The following KCNQ1 variants were observed in gnomAD, a reference collection of about 807,000 sequenced individuals.
KCNQ1 encodes potassium voltage-gated channel subfamily KQT member 1.
A neutral mutation model predicts 72.4 loss-of-function variants in KCNQ1; 49 were observed. The ratio of observed to expected loss-of-function variants is 0.68; its 90% CI spans 0.54 to 0.86. The LOEUF (loss-of-function observed/expected upper bound fraction) is 0.86. Among genes scored for constraint, KCNQ1 ranks in the 40% least tolerant of loss-of-function variants. The probability of loss-of-function intolerance (pLI) is 0.00; values close to 1 mark genes in which losing one functional copy is unlikely to be tolerated. For missense variants in KCNQ1, 790 were observed against 945.1 expected (o/e 0.84, Z 2.15); for synonymous variants, 450 against 412.6 (o/e 1.09, Z -1.10).
At chr11:2,448,375 C>T (rs1350332155) in intron 1 of KCNQ1, among the ~76,000 whole-genome samples, 2 of 152,246 alleles carry the variant, frequency 1.3e-5, no homozygotes, top group Non-Finnish European at 2.9e-5. Context: ...GTTGGCAGAA[C>T]CCTCGCGGGT....
Position 2,588,838 on chromosome 11 carries a change from C to T in KCNQ1, c.1377C>T (p.Asp459=), listed in dbSNP as rs200418488. ...GGCGGCTGGACCACTTCTCTGTCGACGGCTATGACAGTTCTGGTGAGAACC... is the reference window on the plus strand; with the variant it reads ...GGCGGCTGGACCACTTCTCTGTCGATGGCTATGACAGTTCTGGTGAGAACC... ...EERRLDHFSV[D]GYDSSVRKSP... The change falls in exon 10 of 16, where the codon GAC becomes GAT. Residue 459 remains aspartate (D), a synonymous_variant. Transcript: ENST00000155840. This position sits in a 1 kb window ranked among gnomAD's most constrained non-coding sequence, Gnocchi z 5.6. 15 of 1,612,192 alleles carry T rather than the reference C, an allele frequency of 9.3e-6. No homozygotes were observed. Among genetic ancestry groups the T allele is most frequent in the Middle Eastern group, 1.9e-4 (1 of 5,354 alleles).
rs1846173080 is a variant in KCNQ1, at chr11:2,748,488, C to T, written c.1515-20356C>T. The stretch of plus-strand genomic sequence containing the variant: ...GCACCTGATGCCAAACCAGGCTCCA[C>T]TCTTCCTCCAGGTGAGCCCGAGGGC... On this transcript the variant is annotated intron_variant, in intron 11 of 15. Coordinates refer to ENST00000155840, the MANE Select transcript of KCNQ1 (RefSeq NM_000218.3). The surrounding 1 kb of genome is among the most constrained non-coding windows in gnomAD (Gnocchi z 6.2). 6.6e-6 allele frequency among the ~76,000 whole-genome samples: 1 copy of T among 152,228 alleles called. No homozygotes were observed. The highest frequency in any genetic ancestry group is 2.1e-4 in the South Asian group (1 of 4,832).
rs1849657983 is a variant in KCNQ1, at chr11:2,645,872, G to A, written c.1394-16089G>A. ...GATGTGTGAATTGCCTGAGGATTCA[G>A]GGTGATCTCCCTCTCTGGGAGCTGT... On this transcript the variant is annotated intron_variant, in intron 10 of 15. Coordinates refer to ENST00000155840, the MANE Select transcript of KCNQ1 (RefSeq NM_000218.3). This position sits in a 1 kb window ranked among gnomAD's most constrained non-coding sequence, Gnocchi z 5.8. 1.0e-5 allele frequency: 4 copies of A among 398,522 alleles called. No individual in the cohort carries two copies. Among genetic ancestry groups the A allele is most frequent in the Non-Finnish European group, 1.3e-5 (3 of 226,108 alleles). The allele number at this position is 398,522 out of a possible 1,614,324, so 24.7% of individuals were successfully genotyped here.
At chr11:2,701,997 C>T (rs1219575682) in intron 11 of KCNQ1, among the ~76,000 whole-genome samples, 1 of 152,242 alleles carries the variant, frequency 6.6e-6, no homozygotes, top group East Asian at 1.9e-4. Context: ...CCTCAGGCCC[C>T]TGTCCTGCTC....
rs1848182217 is a variant in KCNQ1 at position 2,562,295 on chromosome 11, A to G, written c.478-8333A>G. On this transcript the variant is annotated intron_variant, in intron 2 of 15. Coordinates refer to ENST00000155840, the MANE Select transcript of KCNQ1 (RefSeq NM_000218.3). The surrounding 1 kb of genome is among the most constrained non-coding windows in gnomAD (Gnocchi z 7.5). ...CACTGGGGGCCCACAAGCTCTCAGCACAGGCTGGCGGCTGGGAGCAGCTGG... is the reference window on the plus strand; with the variant it reads ...CACTGGGGGCCCACAAGCTCTCAGCGCAGGCTGGCGGCTGGGAGCAGCTGG... Among the ~76,000 whole-genome samples, 2 of 152,166 alleles carry G rather than the reference A, an allele frequency of 1.3e-5. No individual in the cohort carries two copies. The highest frequency in any genetic ancestry group is 2.4e-5 in the African/African-American group (1 of 41,440).
chr11:2,788,233 C>T (rs1002663438), intron 15 of KCNQ1, among the ~76,000 whole-genome samples: 24 of 152,150 alleles, frequency 1.6e-4, no homozygotes, highest in African/African-American at 5.8e-4. Flanking sequence ...CCAAGTTCCC[C>T]TGCCTCGAGT....
intron 11 of KCNQ1, among the ~76,000 whole-genome samples, chr11:2,718,939 C>T (rs1851151217): frequency 6.6e-6 from 1 of 152,234 alleles, no homozygotes; most frequent in Non-Finnish European, 1.5e-5. Flanking sequence ...AATGCAGATT[C>T]CTGGGCTATT....
chr11:2,451,680 T>C lies in KCNQ1; in HGVS notation c.386+6196T>C, dbSNP rs1354083755. 6.6e-6 allele frequency among the ~76,000 whole-genome samples: 1 copy of C among 152,158 alleles called. No homozygotes were observed. Among genetic ancestry groups the C allele is most frequent in the Non-Finnish European group, 1.5e-5 (1 of 67,994 alleles). ...CGCCTCTGGCAGGAACTTCTCCTGATGGAAGAGCCGGGCTGGGGAGCTGAC... is the reference window on the plus strand; with the variant it reads ...CGCCTCTGGCAGGAACTTCTCCTGACGGAAGAGCCGGGCTGGGGAGCTGAC... On this transcript the variant is annotated intron_variant, in intron 1 of 15. Transcript: ENST00000155840. The surrounding 1 kb of genome is among the most constrained non-coding windows in gnomAD (Gnocchi z 6.4).
At chr11:2,778,059 C>A (rs762635241) in intron 15 of KCNQ1, 22 bp downstream of exon 15, 1 of 1,612,146 alleles carries the variant, frequency 6.2e-7, no homozygotes, top group Admixed American at 1.7e-5. Flanking sequence ...CGCCGGCCTG[C>A]GGTGGTTCTG....
rs767111975 is a variant in KCNQ1, at chr11:2,724,722, C to T, written c.1515-44122C>T. ...ACAGAGGAGGACGTGGGGACCTGCC[C>T]AAGGAGACACAGGCAACAGAACCAG... On this transcript the variant is annotated intron_variant, in intron 11 of 15. Coordinates refer to ENST00000155840, the MANE Select transcript of KCNQ1 (RefSeq NM_000218.3). This position sits in a 1 kb window ranked among gnomAD's most constrained non-coding sequence, Gnocchi z 6.8. Among the ~76,000 whole-genome samples the T allele has an allele frequency of 3.3e-5, 5 of 152,168 alleles. No individual in the cohort carries two copies. Among genetic ancestry groups the T allele is most frequent in the Non-Finnish European group, 4.4e-5 (3 of 68,020 alleles).
intron 1 of KCNQ1, among the ~76,000 whole-genome samples, chr11:2,525,818 G>C (rs1421644642): frequency 6.6e-6 from 1 of 152,196 alleles, no homozygotes; most frequent in African/African-American, 2.4e-5. Flanking sequence ...GGGGCTTAGA[G>C]ATTAAATGAA....
chr11:2,770,426 CCCAAGAGCAGCCCTCGGCCAGGCCCTTG>C (rs1266192094), intron 12 of KCNQ1, among the ~76,000 whole-genome samples: 1 of 152,264 alleles, frequency 6.6e-6, no homozygotes, highest in Non-Finnish European at 1.5e-5. Flanking sequence ...CACTCTGAGC[CCCAAGAGCAGCCCTCGGCCAGGCCCTTG>C]CCAAGAGCAG....
chr11:2,645,456 A>C lies in KCNQ1; in HGVS notation c.1394-16505A>C. On this transcript the variant is annotated intron_variant, in intron 10 of 15. Coordinates refer to ENST00000155840, the MANE Select transcript of KCNQ1 (RefSeq NM_000218.3). This position sits in a 1 kb window ranked among gnomAD's most constrained non-coding sequence, Gnocchi z 5.8. The stretch of plus-strand genomic sequence containing the variant: ...TGTACTGACTGTGGTAGGCAGGCAC[A>C]GGAAGATCCCTGTATACCCTGCTGA... 1 of 398,724 alleles carries C rather than the reference A, an allele frequency of 2.5e-6. No homozygotes were observed. The highest frequency in any genetic ancestry group is 4.4e-6 in the Non-Finnish European group (1 of 226,124). 24.7% of individuals were successfully genotyped at this position (398,724 alleles called of 1,614,324 possible).
Position 2,574,165 on chromosome 11 carries a change from C to A in KCNQ1, c.921+1179C>A, listed in dbSNP as rs116896598. The stretch of plus-strand genomic sequence containing the variant: ...AATGACTCCATCCCATCTCCCCCCA[C>A]AGCTGCAGGGCCAGGTGGGCCGTCC... On this transcript the variant is annotated intron_variant, in intron 6 of 15. Transcript: ENST00000155840. Among the ~76,000 whole-genome samples, 108 of 152,332 alleles carry A rather than the reference C, an allele frequency of 7.1e-4. 1 individual carries two copies. The East Asian group carries it at 0.018, about 26-fold the overall frequency.
At position 2,695,795 on chromosome 11, in the gene KCNQ1, G is replaced by A. The variant is rs766755851; in HGVS notation, c.1514+33714G>A. On this transcript the variant is annotated intron_variant, in intron 11 of 15. Coordinates refer to ENST00000155840, the MANE Select transcript of KCNQ1 (RefSeq NM_000218.3). The surrounding 1 kb of genome is among the most constrained non-coding windows in gnomAD (Gnocchi z 5.2). ...TCCTACTTTCTAATGCTTCTCCTAT[G>A]AAGAATAGCTGTTGCTTTCATTTAC... 2.5e-6 allele frequency: 1 copy of A among 398,630 alleles called. No homozygotes were observed. The highest frequency in any genetic ancestry group is 4.4e-6 in the Non-Finnish European group (1 of 226,074). The allele number at this position is 398,630 out of a possible 1,614,324, so 24.7% of individuals were successfully genotyped here.
rs1225097070 is a variant in KCNQ1, at chr11:2,679,559, T to G, written c.1514+17478T>G. 2.5e-6 allele frequency: 1 copy of G among 398,528 alleles called. No homozygotes were observed. Among genetic ancestry groups the G allele is most frequent in the Non-Finnish European group, 4.4e-6 (1 of 226,074 alleles). The allele number at this position is 398,528 out of a possible 1,614,324, so 24.7% of individuals were successfully genotyped here. A position where few individuals can be genotyped will look rare whatever the true frequency, so the allele number is the denominator to read the frequency against. ...GGCCATTCCATCCATTGTAATCATG[T>G]GTACCATGCAATTCACAGTGCCTGA... On this transcript the variant is annotated intron_variant, in intron 11 of 15. Coordinates refer to ENST00000155840, the MANE Select transcript of KCNQ1 (RefSeq NM_000218.3). This position sits in a 1 kb window ranked among gnomAD's most constrained non-coding sequence, Gnocchi z 4.8.
At position 2,538,560 on chromosome 11, in the gene KCNQ1, C is replaced by G. The variant is rs1439983858; in HGVS notation, c.477+10542C>G. 1.3e-5 allele frequency among the ~76,000 whole-genome samples: 2 copies of G among 152,104 alleles called. No individual in the cohort carries two copies. The highest frequency in any genetic ancestry group is 2.9e-5 in the Non-Finnish European group (2 of 68,024). ...GGAGGACAGCTGACATTCTTTCATG[C>G]GAAATCTGCTTGCGGGAGAGTCGTG... On this transcript the variant is annotated intron_variant, in intron 2 of 15. Coordinates refer to ENST00000155840, the MANE Select transcript of KCNQ1 (RefSeq NM_000218.3). This position sits in a 1 kb window ranked among gnomAD's most constrained non-coding sequence, Gnocchi z 6.7.
At chr11:2,722,895 C>CT (rs1845692784) in intron 11 of KCNQ1, among the ~76,000 whole-genome samples, 1 of 152,170 alleles carries the variant, frequency 6.6e-6, no homozygotes, top group Non-Finnish European at 1.5e-5. Flanking sequence ...CAAGTGCTGC[C>CT]TTAGCGGAGT....
At chr11:2,814,232 A>T (rs1345122329) in intron 15 of KCNQ1, among the ~76,000 whole-genome samples, 3 of 143,646 alleles carry the variant, frequency 2.1e-5, no homozygotes, top group Non-Finnish European at 4.4e-5. Flanking sequence ...GGATGGATAA[A>T]TGCAGAGATA....
Sources: allele counts gnomAD v4.1 joint callset (sites outside exome capture counted in the v4.1 genomes callset), GRCh38; gene constraint gnomAD v4.1.1; non-coding constraint Gnocchi (gnomAD v3.1); transcripts MANE v1.5; gene names NCBI Gene and HGNC (gene_info 2026-07-23, HGNC 2026-07-21).